PSD3: variants seen among roughly 807,000 people sequenced by gnomAD.
PSD3 encodes the protein pleckstrin and Sec7 domain containing 3.
A neutral mutation model predicts 105.5 loss-of-function variants in PSD3; 49 were observed. The observed-to-expected ratio is 0.46, with a 90% CI of 0.37 to 0.59. The LOEUF is 0.59. Among genes scored for constraint, PSD3 ranks in the 20% least tolerant of loss-of-function variants. The probability of loss-of-function intolerance (pLI) is 0.00; values close to 1 mark genes in which losing one functional copy is unlikely to be tolerated. For synonymous variants in PSD3, 557 were observed against 457.8 expected (o/e 1.22, Z -2.77); for missense variants, 1,561 against 1,263.8 (o/e 1.24, Z -3.57).
chr8:18,831,649 G>C (rs948997560), intron 4 of PSD3, among the ~76,000 whole-genome samples: 1 of 152,200 alleles, frequency 6.6e-6, no homozygotes, highest in African/African-American at 2.4e-5. Context: ...TTGAACTTGG[G>C]AGGCGGAAGT....
At chr8:18,588,836 T>G (rs1803386149) in intron 12 of PSD3, among the ~76,000 whole-genome samples, 1 of 152,210 alleles carries the variant, frequency 6.6e-6, no homozygotes, top group Non-Finnish European at 1.5e-5. Context: ...GAAAAGCTGG[T>G]ACCTTTGAAA....
At chr8:19,068,427 C>A (rs1370221013) in intron 1 of PSD3, among the ~76,000 whole-genome samples, 2 of 152,024 alleles carry the variant, frequency 1.3e-5, no homozygotes, top group East Asian at 3.9e-4. Flanking sequence ...CAAGCTGGGA[C>A]TGCAGGTGTA....
chr8:18,743,882 G>C (rs1205875089), intron 9 of PSD3, among the ~76,000 whole-genome samples: 1 of 151,680 alleles, frequency 6.6e-6, no homozygotes, highest in Admixed American at 6.6e-5. Context: ...TTGAGCCCAG[G>C]AATTTGTGGT....
chr8:18,889,068 C>G lies in PSD3; in HGVS notation c.131-16335G>C, dbSNP rs552269640. ...TACTGAATTCAAGTTTTCCAAATGTCTATAGCATATCGCATTAGGCTTTAG... is the reference window on the plus strand; with the variant it reads ...TACTGAATTCAAGTTTTCCAAATGTGTATAGCATATCGCATTAGGCTTTAG... On this transcript the variant is annotated intron_variant, in intron 2 of 15. Transcript: ENST00000327040. 2.0e-5 allele frequency among the ~76,000 whole-genome samples: 3 copies of G among 152,014 alleles called. No individual in the cohort carries two copies. The South Asian group carries it at 6.2e-4, about 32-fold the overall frequency.
chr8:18,867,211 G>A (rs1817006637), intron 4 of PSD3, among the ~76,000 whole-genome samples: 2 of 152,256 alleles, frequency 1.3e-5, no homozygotes, highest in South Asian at 4.1e-4. Context: ...GGAACTCTCA[G>A]AGCAAAGGGC....
intron 9 of PSD3, among the ~76,000 whole-genome samples, chr8:18,706,144 C>T (rs1801882588): frequency 6.6e-6 from 1 of 152,168 alleles, no homozygotes; most frequent in Non-Finnish European, 1.5e-5. Context: ...CAAAATGGAT[C>T]TCCCAACGAG....
At chr8:18,594,195 C>T (rs1018497600) in intron 12 of PSD3, among the ~76,000 whole-genome samples, 202 of 11,688 alleles carry the variant, frequency 0.017, 13 homozygotes, top group East Asian at 0.097. Context: ...TTATTATATA[C>T]ATATTATATA....
chr8:18,564,838 G>T (rs986511945), intron 14 of PSD3, among the ~76,000 whole-genome samples: 1 of 152,026 alleles, frequency 6.6e-6, no homozygotes, highest in African/African-American at 2.4e-5. Flanking sequence ...AGGAGGGGTG[G>T]GGGTTACTTC....
chr8:19,041,686 C>T (rs1828129488), intron 1 of PSD3, among the ~76,000 whole-genome samples: 1 of 152,154 alleles, frequency 6.6e-6, no homozygotes, highest in Non-Finnish European at 1.5e-5. Flanking sequence ...TGGACTACGC[C>T]CAGGCAGCTT....
intron 11 of PSD3, among the ~76,000 whole-genome samples, chr8:18,620,309 C>T (rs79403078): frequency 0.036 from 5,408 of 150,044 alleles, 142 homozygotes; most frequent in East Asian, 0.13. Context: ...CTGACTGTCT[C>T]GGGACTACTT....
In PSD3 at chr8:18,821,684, AACAC is replaced by A. The variant is rs10527060; in HGVS notation, c.1635-16790_1635-16787del. 9.0e-3 allele frequency among the ~76,000 whole-genome samples: 1,176 copies of A among 131,388 alleles called. 14 individuals are homozygous for A. The highest frequency in any genetic ancestry group is 0.03 in the African/African-American group (1,054 of 35,464). The allele number at this position is 131,388 out of a possible 152,430, so 86.2% of individuals were successfully genotyped here. ...TTAATTCCAAAATTTTGACCCCCACAACACACACACACACACACACACACACACA... is the reference window on the plus strand; with the variant it reads ...TTAATTCCAAAATTTTGACCCCCACAACACACACACACACACACACACACA... On this transcript the variant is annotated intron_variant, in intron 4 of 15. Coordinates refer to ENST00000327040, the MANE Select transcript of PSD3 (RefSeq NM_015310.4).
intron 9 of PSD3, among the ~76,000 whole-genome samples, chr8:18,758,353 A>G (rs1806228472): frequency 6.6e-6 from 1 of 151,948 alleles, no homozygotes; most frequent in Non-Finnish European, 1.5e-5. Flanking sequence ...TAAATTTCCA[A>G]TCTTCTCCCT....
chr8:18,941,086 T>A (rs549623119), intron 1 of PSD3, among the ~76,000 whole-genome samples: 1 of 152,206 alleles, frequency 6.6e-6, no homozygotes, highest in Non-Finnish European at 1.5e-5. Flanking sequence ...GTTAAAACAA[T>A]CAGATTAATG....
intron 2 of PSD3, among the ~76,000 whole-genome samples, chr8:18,899,125 G>C (rs1819335247): frequency 6.6e-6 from 1 of 152,114 alleles, no homozygotes; most frequent in African/African-American, 2.4e-5. Context: ...TTCTAGAACT[G>C]CTTCTTCCAC....
intron 8 of PSD3, among the ~76,000 whole-genome samples, chr8:18,785,907 G>A (rs1809098656): frequency 1.3e-5 from 2 of 152,188 alleles, no homozygotes; most frequent in African/African-American, 4.8e-5. Flanking sequence ...TAAGTCTGCT[G>A]TCTTATATGG....
intron 9 of PSD3, among the ~76,000 whole-genome samples, chr8:18,675,401 T>C (rs74886211): frequency 0.027 from 4,073 of 152,262 alleles, 174 homozygotes; most frequent in East Asian, 0.15. Context: ...CTTATTTATT[T>C]ACTGGAATCA....
At chr8:18,764,073 G>A (rs2129443509) in intron 9 of PSD3, among the ~76,000 whole-genome samples, 1 of 152,140 alleles carries the variant, frequency 6.6e-6, no homozygotes, top group Non-Finnish European at 1.5e-5. Flanking sequence ...CGCCAAACAT[G>A]CTCTAAATTA....
chr8:19,013,733 G>A (rs912753682), upstream of PSD3: 21 of 569,538 alleles, frequency 3.7e-5, no homozygotes, highest in South Asian at 8.4e-5. Flanking sequence ...GCACCCTGGC[G>A]GAGGCTGGCG....
At chr8:18,635,699 G>T (rs564390471) in intron 10 of PSD3, among the ~76,000 whole-genome samples, 4 of 152,162 alleles carry the variant, frequency 2.6e-5, no homozygotes, top group Admixed American at 2.6e-4. Context: ...GAATACTATG[G>T]AGTCATAAAA....
Sources: gnomAD v4.1 joint callset for allele counts (sites outside exome capture counted in the v4.1 genomes callset) on GRCh38, gnomAD v4.1.1 for gene constraint, MANE v1.5 for transcripts, NCBI Gene and HGNC (gene_info 2026-07-23, HGNC 2026-07-21) for gene names.